Variants in SLAIN1 observed in about 807,000 individuals in gnomAD.
SLAIN1 encodes SLAIN family member 1.
In SLAIN1, 17 loss-of-function variants were observed where a neutral mutation model predicts 55.4. The observed-to-expected ratio is 0.31, with a 90% CI of 0.21 to 0.46. The LOEUF (loss-of-function observed/expected upper bound fraction) is 0.46. Among genes scored for constraint, SLAIN1 ranks in the 20% least tolerant of loss-of-function variants. SLAIN1 has a pLI of 1.00. For missense variants in SLAIN1, 682 were observed against 785.1 expected (o/e 0.87, Z 1.57); for synonymous variants, 348 against 337.4 (o/e 1.03, Z -0.35).
At chr13:77,737,707 C>T (rs1416597931) in intron 2 of SLAIN1, among the ~76,000 whole-genome samples, 1 of 152,042 alleles carries the variant, frequency 6.6e-6, no homozygotes, top group East Asian at 1.9e-4. Context: ...CTTAATGTCT[C>T]CTGAAGTGTT....
At chr13:77,735,170 T>G (rs1873058586) in intron 2 of SLAIN1, among the ~76,000 whole-genome samples, 1 of 152,186 alleles carries the variant, frequency 6.6e-6, no homozygotes, top group Non-Finnish European at 1.5e-5. Context: ...AGCCTGTTTA[T>G]TTCTTCCTAC....
chr13:77,742,700 A>C (rs1566239110), intron 2 of SLAIN1: 1 of 152,618 alleles, frequency 6.6e-6, no homozygotes, highest in Non-Finnish European at 1.5e-5. Flanking sequence ...CTAAATCCTT[A>C]TGTGGAAATA....
intron 5 of SLAIN1, among the ~76,000 whole-genome samples, chr13:77,755,825 G>A (rs1027947105): frequency 1.3e-5 from 2 of 152,138 alleles, no homozygotes; most frequent in African/African-American, 4.8e-5. Flanking sequence ...AAGTGTAGGA[G>A]AAGGAGGACT....
At chr13:77,753,156 G>C in intron 4 of SLAIN1, 47 bp from the exon 5 acceptor site, 1 of 1,507,034 alleles carries the variant, frequency 6.6e-7, no homozygotes, top group Non-Finnish European at 8.9e-7. Flanking sequence ...CTAGTACTTT[G>C]GTTGCATAAC....
chr13:77,724,834 C>G (rs2091293188), intron 2 of SLAIN1, among the ~76,000 whole-genome samples: 1 of 152,104 alleles, frequency 6.6e-6, no homozygotes. Context: ...TGGTGTGCTG[C>G]ACCCAGTAAC....
In SLAIN1 at chr13:77,722,914, T is replaced by C. The variant is rs376214431; in HGVS notation, c.766+3243T>C. Among the ~76,000 whole-genome samples, 62 of 152,196 alleles carry C rather than the reference T, an allele frequency of 4.1e-4. No homozygotes were observed. In the East Asian group the frequency reaches 6.4e-3, roughly 16 times the overall value. ...GGTACACGCAACCACGCCTGGCTAA[T>C]TTTTGTATTTTTTAATAGAGATGTG... On this transcript the variant is annotated intron_variant, in intron 2 of 6. Transcript: ENST00000418532.
At chr13:77,757,641 A>G (rs1384872002) in intron 5 of SLAIN1, among the ~76,000 whole-genome samples, 1 of 152,046 alleles carries the variant, frequency 6.6e-6, no homozygotes, top group Non-Finnish European at 1.5e-5. Flanking sequence ...ATGCCTTTAC[A>G]TCCTCATAGC....
chr13:77,719,679 T>C lies in SLAIN1; in HGVS notation c.766+8T>C, dbSNP rs111263499. The C allele has an allele frequency of 6.2e-7, 1 of 1,612,466 alleles. No individual in the cohort carries two copies. On this transcript the variant is annotated splice_region_variant and intron_variant, in intron 2 of 6. Coordinates refer to ENST00000418532, the MANE Select transcript of SLAIN1 (RefSeq NM_001242868.2). ...GCTTTAGACTGGAGCAAGGTAATTG[T>C]GAGTGTGTGCATTTACATTCTCCAA...
At chr13:77,705,319 G>A (rs904305395) in intron 1 of SLAIN1, among the ~76,000 whole-genome samples, 3 of 151,908 alleles carry the variant, frequency 2.0e-5, no homozygotes, top group African/African-American at 7.2e-5. Context: ...AGTTTCTGGT[G>A]TGTGTGGTTT....
intron 2 of SLAIN1, chr13:77,743,153 C>A (rs769957688): frequency 3.1e-6 from 4 of 1,300,580 alleles, no homozygotes; most frequent in Middle Eastern, 4.3e-4. Context: ...AATACTAACA[C>A]CTGAAAAAAC....
intron 2 of SLAIN1, among the ~76,000 whole-genome samples, chr13:77,735,150 AC>A (rs1459767281): frequency 6.6e-6 from 1 of 152,210 alleles, no homozygotes; most frequent in Non-Finnish European, 1.5e-5. Context: ...TTCATCCTGT[AC>A]CCATGAAAAG....
At chr13:77,758,705 T>C (rs1177079819) in intron 5 of SLAIN1, among the ~76,000 whole-genome samples, 2 of 152,182 alleles carry the variant, frequency 1.3e-5, no homozygotes, top group Non-Finnish European at 2.9e-5. Context: ...ATTTATGTTT[T>C]TGTATGCTTT....
Position 77,698,349 on chromosome 13 carries a change from C to T in SLAIN1, c.436C>T (p.Pro146Ser). The change falls in exon 1 of 7, where the codon CCC (proline) becomes TCC (serine). Residue 146 changes from proline (P) to serine (S), a missense_variant. Physicochemically the swap from Pro to Ser is moderately conservative, Grantham distance 74. This residue lies in a region of SLAIN1 where 401 missense variants were observed against 417.3 expected (regional missense o/e 0.96). Transcript: ENST00000418532. The surrounding 1 kb of genome is among the most constrained non-coding windows in gnomAD (Gnocchi z 4.1). ...LCSLAQPPEA[P>S]FVYFKPAAGF... ...CAGCCTGGCGCAGCCACCCGAGGCGCCCTTCGTCTACTTCAAGCCGGCAGC... is the reference window on the plus strand; with the variant it reads ...CAGCCTGGCGCAGCCACCCGAGGCGTCCTTCGTCTACTTCAAGCCGGCAGC... The T allele has an allele frequency of 3.5e-6, 5 of 1,447,116 alleles. No homozygotes were observed. Among genetic ancestry groups the T allele is most frequent in the Non-Finnish European group, 3.6e-6 (4 of 1,101,844 alleles). 89.6% of individuals were successfully genotyped at this position (1,447,116 alleles called of 1,614,324 possible). A position where few individuals can be genotyped will look rare whatever the true frequency, so the allele number is the denominator to read the frequency against.
At chr13:77,725,726 C>A (rs958996501) in intron 2 of SLAIN1, among the ~76,000 whole-genome samples, 10 of 152,112 alleles carry the variant, frequency 6.6e-5, no homozygotes, top group Non-Finnish European at 1.3e-4. Flanking sequence ...CCCTCTTCTA[C>A]CTTATTTCCT....
At chr13:77,719,792 A>G (rs1183497818) in intron 2 of SLAIN1, 121 bp downstream of exon 2, 7 of 1,075,606 alleles carry the variant, frequency 6.5e-6, no homozygotes, top group Non-Finnish European at 9.4e-6. Flanking sequence ...CAGCTGTTGC[A>G]TGCAATTTGC....
At chr13:77,752,306 T>C (rs1441249528) in intron 4 of SLAIN1, among the ~76,000 whole-genome samples, 1 of 150,990 alleles carries the variant, frequency 6.6e-6, no homozygotes, top group Non-Finnish European at 1.5e-5. Context: ...TTTTTTTTTT[T>C]AAGAAGCATG....
intron 2 of SLAIN1, among the ~76,000 whole-genome samples, chr13:77,722,032 T>A (rs567424081): frequency 1.3e-5 from 2 of 150,562 alleles, no homozygotes; most frequent in South Asian, 4.3e-4. Flanking sequence ...TCCTAATTGG[T>A]GGTTGCTATT....
intron 1 of SLAIN1, among the ~76,000 whole-genome samples, chr13:77,702,011 T>A (rs1437633818): frequency 6.8e-6 from 1 of 146,008 alleles, no homozygotes; most frequent in Non-Finnish European, 1.5e-5. Context: ...AGTGAGAATA[T>A]GCGGTGTTTG....
intron 2 of SLAIN1, among the ~76,000 whole-genome samples, chr13:77,738,335 A>G (rs1873243290): frequency 6.6e-6 from 1 of 152,008 alleles, no homozygotes. Flanking sequence ...GGCCAGTTCC[A>G]CAAGGCAGAA....
Sources: allele counts gnomAD v4.1 joint callset (sites outside exome capture counted in the v4.1 genomes callset), GRCh38; gene constraint gnomAD v4.1.1; regional missense constraint gnomAD v4.1.1; non-coding constraint Gnocchi (gnomAD v3.1); transcripts MANE v1.5; gene names NCBI Gene and HGNC (gene_info 2026-07-23, HGNC 2026-07-21).